The following NBEA variants were observed in gnomAD, a reference collection of about 807,000 sequenced individuals.
NBEA encodes neurobeachin.
A neutral mutation model predicts 343.4 loss-of-function variants in NBEA; 44 were observed. The observed-to-expected ratio is 0.13, with a 90% confidence interval of 0.10 to 0.16. The LOEUF (loss-of-function observed/expected upper bound fraction) is 0.16. Ranked by LOEUF, NBEA falls within the 10% of genes least tolerant of loss-of-function variation. NBEA has a pLI of 1.00. For missense variants in NBEA, 2,555 were observed against 3,631.3 expected (o/e 0.70, Z 7.62); for synonymous variants, 1,175 against 1,238.7 (o/e 0.95, Z 1.08).
intron 48 of NBEA, among the ~76,000 whole-genome samples, chr13:35,624,707 T>C (rs2083143876): frequency 6.6e-6 from 1 of 151,754 alleles, no homozygotes; most frequent in African/African-American, 2.4e-5. Flanking sequence ...TGGACACACA[T>C]ACGTTGACAT....
chr13:35,352,517 G>C (rs2040247226), intron 38 of NBEA, among the ~76,000 whole-genome samples, 194 bp downstream of exon 38: 1 of 151,956 alleles, frequency 6.6e-6, no homozygotes, highest in Non-Finnish European at 1.5e-5. Context: ...ACTTTTTATA[G>C]TAGCTACAGT....
intron 38 of NBEA, among the ~76,000 whole-genome samples, chr13:35,394,765 T>G (rs2042665618): frequency 6.6e-6 from 1 of 152,168 alleles, no homozygotes; most frequent in African/African-American, 2.4e-5. Context: ...TCTCTCATCC[T>G]TATTATTTTC....
intron 41 of NBEA, chr13:35,475,481 C>T (rs368025803): frequency 2.1e-5 from 34 of 1,612,412 alleles, no homozygotes; most frequent in East Asian, 4.5e-5. Flanking sequence ...CTCTGCTTGC[C>T]GGCCAAGGAG....
At chr13:35,617,582 T>C (rs890344346) in intron 48 of NBEA, among the ~76,000 whole-genome samples, 3 of 152,214 alleles carry the variant, frequency 2.0e-5, no homozygotes, top group African/African-American at 7.2e-5. Flanking sequence ...CACTGCTGCC[T>C]CTGAGAACTG....
intron 35 of NBEA, among the ~76,000 whole-genome samples, chr13:35,298,191 G>A (rs1331984462): frequency 0.048 from 863 of 18,108 alleles, 8 homozygotes; most frequent in African/African-American, 0.073. Flanking sequence ...GTGTGTATGT[G>A]TGTGTGTGTG....
chr13:35,094,081 T>A (rs562343412), intron 10 of NBEA, among the ~76,000 whole-genome samples: 1 of 152,092 alleles, frequency 6.6e-6, no homozygotes, highest in South Asian at 2.1e-4. Flanking sequence ...AGCACTTTTT[T>A]ATACTTCTTA....
At chr13:35,179,875 T>C (rs2071192371) in intron 28 of NBEA, 1 of 750,280 alleles carries the variant, frequency 1.3e-6, no homozygotes, top group Non-Finnish European at 1.6e-6. Flanking sequence ...TCTTCACTTC[T>C]CTCTGTGTTT....
chr13:35,270,702 C>T (rs1451769062), intron 34 of NBEA, among the ~76,000 whole-genome samples: 10 of 152,238 alleles, frequency 6.6e-5, no homozygotes, highest in African/African-American at 2.4e-4. Context: ...GTGGATCCCA[C>T]ACCCACAGAT....
At chr13:35,151,738 C>T (rs1270762235) in intron 18 of NBEA, among the ~76,000 whole-genome samples, 1 of 152,000 alleles carries the variant, frequency 6.6e-6, no homozygotes, top group Non-Finnish European at 1.5e-5. Flanking sequence ...AGTGAGTTAA[C>T]TTTAATGGAC....
chr13:35,561,937 T>C (rs1204781267), intron 44 of NBEA, among the ~76,000 whole-genome samples: 7 of 152,118 alleles, frequency 4.6e-5, no homozygotes, highest in Admixed American at 4.6e-4. Flanking sequence ...TGAATGTTCA[T>C]TATAGAAAAT....
At chr13:35,255,267 C>T (rs941184793) in intron 34 of NBEA, among the ~76,000 whole-genome samples, 1 of 152,178 alleles carries the variant, frequency 6.6e-6, no homozygotes, top group African/African-American at 2.4e-5. Flanking sequence ...TGAATTATAA[C>T]GTGATATTGT....
chr13:35,472,318 T>TA (rs2075687687), intron 40 of NBEA, 82 bp from the exon 41 acceptor site: 1 of 1,494,090 alleles, frequency 6.7e-7, no homozygotes, highest in Non-Finnish European at 9.0e-7. Context: ...TCCTTACCAA[T>TA]AAAAACCTCT....
At chr13:35,176,194 A>G (rs1439303964) in intron 27 of NBEA, among the ~76,000 whole-genome samples, 1 of 152,082 alleles carries the variant, frequency 6.6e-6, no homozygotes, top group Admixed American at 6.6e-5. Context: ...GCTGCCAAGG[A>G]ATCAAACATT....
intron 10 of NBEA, among the ~76,000 whole-genome samples, chr13:35,088,180 A>T (rs564704350): frequency 6.6e-6 from 1 of 152,014 alleles, no homozygotes; most frequent in Non-Finnish European, 1.5e-5. Flanking sequence ...GCAAGCTGCT[A>T]TGAGATTAAG....
chr13:35,012,572 G>A (rs1385261260), intron 1 of NBEA, among the ~76,000 whole-genome samples: 1 of 152,190 alleles, frequency 6.6e-6, no homozygotes, highest in Admixed American at 6.5e-5. Context: ...GTGTTATTCT[G>A]AAAAGTTCCA....
intron 38 of NBEA, among the ~76,000 whole-genome samples, chr13:35,418,232 C>A (rs774366944): frequency 3.3e-5 from 5 of 151,906 alleles, no homozygotes; most frequent in Non-Finnish European, 7.4e-5. Context: ...AACATTTAGC[C>A]CATTTACATT....
At chr13:35,356,008 C>T (rs657831) in intron 38 of NBEA, among the ~76,000 whole-genome samples, 41,417 of 151,676 alleles carry the variant, frequency 0.27, 7,070 homozygotes, top group African/African-American at 0.49. Context: ...GTAATAGATT[C>T]TTTGCTCTTT....
At chr13:35,328,462 C>G (rs1229192955) in intron 36 of NBEA, among the ~76,000 whole-genome samples, 1 of 151,590 alleles carries the variant, frequency 6.6e-6, no homozygotes, top group Non-Finnish European at 1.5e-5. Context: ...TGACTATGGC[C>G]AAAGTAATTG....
chr13:35,650,218 C>G (rs1225214080), intron 52 of NBEA, among the ~76,000 whole-genome samples: 1 of 152,160 alleles, frequency 6.6e-6, no homozygotes, highest in African/African-American at 2.4e-5. Context: ...TGGATGCTGG[C>G]TTCACATCCT....
Sources: gnomAD v4.1 joint callset for allele counts (sites outside exome capture counted in the v4.1 genomes callset) on GRCh38, gnomAD v4.1.1 for gene constraint, MANE v1.5 for transcripts, NCBI Gene and HGNC (gene_info 2026-07-23, HGNC 2026-07-21) for gene names.